SOX5: variants seen among roughly 807,000 people sequenced by gnomAD.
SOX5 encodes the protein SRY-box transcription factor 5.
A neutral mutation model predicts 92.0 loss-of-function variants in SOX5; 9 were observed. The observed-to-expected ratio is 0.10, with a 90% CI of 0.06 to 0.17. The LOEUF is 0.17. SOX5 is among the 10% of genes least tolerant of loss of function. The pLI is 1.00. For synonymous variants in SOX5, 344 were observed against 336.3 expected, an observed-to-expected ratio of 1.02 and a Z score of -0.25; for missense variants, 642 against 944.5, an observed-to-expected ratio of 0.68 and a Z score of 4.20.
At position 24,205,293 on chromosome 12, in the gene SOX5, T is replaced by G. The variant is rs545839020; in HGVS notation, c.-2+8050A>C. 2.6e-3 allele frequency among the ~76,000 whole-genome samples: 403 copies of G among 152,290 alleles called. 3 individuals are homozygous for G. Among genetic ancestry groups the G allele is most frequent in the African/African-American group, 9.2e-3 (384 of 41,556 alleles). ...CTAGCACAATGTTCAACATTGTGCTTTCCCTGATAAAATTTTGTTAATAGC... is the reference window on the plus strand; with the variant it reads ...CTAGCACAATGTTCAACATTGTGCTGTCCCTGATAAAATTTTGTTAATAGC... On this transcript the variant is annotated intron_variant, in intron 4 of 4. Coordinates refer to the SOX5 transcript ENST00000446891.
intron 4 of SOX5, among the ~76,000 whole-genome samples, chr12:24,162,468 A>G (rs1952866891): frequency 6.6e-6 from 1 of 152,164 alleles, no homozygotes; most frequent in Admixed American, 6.6e-5. Context: ...ATTGGCACAG[A>G]TTTTCCTCAA....
intron 4 of SOX5, among the ~76,000 whole-genome samples, chr12:23,982,968 G>A (rs1592057679): frequency 6.6e-6 from 1 of 152,066 alleles, no homozygotes; most frequent in East Asian, 1.9e-4. Context: ...TGTAGTAGGT[G>A]TGTCATTCTC....
intron 7 of SOX5, among the ~76,000 whole-genome samples, chr12:23,664,985 G>A (rs1262926569): frequency 1.3e-5 from 2 of 152,136 alleles, no homozygotes; most frequent in African/African-American, 2.4e-5. Flanking sequence ...CTGATGATGC[G>A]AGTCCAGAGT....
At chr12:24,001,305 G>A (rs1263433043) in intron 4 of SOX5, among the ~76,000 whole-genome samples, 1 of 151,874 alleles carries the variant, frequency 6.6e-6, no homozygotes, top group Non-Finnish European at 1.5e-5. Context: ...TTGGCCAGGC[G>A]AGCCCCAAAC....
Position 24,317,052 on chromosome 12 carries a change from A to C in SOX5, c.-173-39740T>G, listed in dbSNP as rs78988183. 8.5e-3 allele frequency among the ~76,000 whole-genome samples: 1,301 copies of C among 152,344 alleles called. 15 individuals carry two copies. The highest frequency in any genetic ancestry group is 0.029 in the African/African-American group (1,206 of 41,588). On this transcript the variant is annotated intron_variant, in intron 2 of 4. Transcript: ENST00000446891. ...ATGTCCAAGATGAAGCCATTTCCTT[A>C]AATCATACAACCTCAATGTGTCATG...
intron 3 of SOX5, among the ~76,000 whole-genome samples, chr12:24,257,522 G>A (rs983941975): frequency 6.6e-6 from 1 of 152,014 alleles, no homozygotes; most frequent in Non-Finnish European, 1.5e-5. Context: ...ACGCTGGAGT[G>A]CAGTGGCGCA....
Position 23,766,246 on chromosome 12 carries a change from G to A in SOX5, c.482-10522C>T, listed in dbSNP as rs1303553141. 2.6e-5 allele frequency among the ~76,000 whole-genome samples: 4 copies of A among 152,032 alleles called. No homozygotes were observed. In the East Asian group the frequency reaches 7.7e-4, roughly 29 times the overall value. On this transcript the variant is annotated intron_variant, in intron 3 of 14. Transcript: ENST00000451604. ...CAGTTTCTCATCTTGTCTATAATGAGGAAAATAATTGAATCACATAAGCAA... is the reference window on the plus strand; with the variant it reads ...CAGTTTCTCATCTTGTCTATAATGAAGAAAATAATTGAATCACATAAGCAA...
intron 1 of SOX5, among the ~76,000 whole-genome samples, chr12:24,488,004 G>A (rs1338823751): frequency 6.6e-6 from 1 of 152,142 alleles, no homozygotes; most frequent in Non-Finnish European, 1.5e-5. Flanking sequence ...TCACCCAACT[G>A]AAACACAGTA....
intron 3 of SOX5, among the ~76,000 whole-genome samples, chr12:24,216,659 A>T (rs1378336434): frequency 6.6e-6 from 1 of 152,148 alleles, no homozygotes; most frequent in Non-Finnish European, 1.5e-5. Context: ...GCGGTGGCCC[A>T]TGCCTGTAAT....
intron 3 of SOX5, among the ~76,000 whole-genome samples, chr12:24,248,189 G>C (rs754512988): frequency 7.9e-5 from 12 of 152,134 alleles, no homozygotes; most frequent in African/African-American, 1.2e-4. Flanking sequence ...ATACACTGTT[G>C]GGGAATTGAA....
chr12:23,754,515 T>A (rs762921756), intron 4 of SOX5, among the ~76,000 whole-genome samples: 1 of 151,836 alleles, frequency 6.6e-6, no homozygotes, highest in Non-Finnish European at 1.5e-5. Flanking sequence ...AATTTGTTGA[T>A]TAGCACCAAT....
intron 4 of SOX5, among the ~76,000 whole-genome samples, chr12:23,958,459 TC>T (rs1218076447): frequency 6.6e-6 from 1 of 152,038 alleles, no homozygotes; most frequent in Non-Finnish European, 1.5e-5. Context: ...ATTATCAAGT[TC>T]TTATAACTAG....
intron 4 of SOX5, among the ~76,000 whole-genome samples, chr12:24,201,348 G>C (rs1957498460): frequency 6.8e-6 from 1 of 146,650 alleles, no homozygotes; most frequent in Non-Finnish European, 1.5e-5. Context: ...CTTTTCTCAG[G>C]AAAAAAAAAA....
At chr12:24,057,035 T>C (rs1958201547) in intron 4 of SOX5, among the ~76,000 whole-genome samples, 1 of 150,400 alleles carries the variant, frequency 6.6e-6, no homozygotes, top group South Asian at 2.1e-4. Flanking sequence ...ATGGCCTCTC[T>C]GTTCATGTTA....
At chr12:24,247,771 C>T (rs1054941937) in intron 3 of SOX5, among the ~76,000 whole-genome samples, 8 of 150,930 alleles carry the variant, frequency 5.3e-5, no homozygotes, top group African/African-American at 1.9e-4. Flanking sequence ...GTGCCTCAGC[C>T]TCTGGAGTAG....
intron 8 of SOX5, among the ~76,000 whole-genome samples, chr12:23,637,281 T>C (rs1019277344): frequency 6.6e-6 from 1 of 152,180 alleles, no homozygotes; most frequent in African/African-American, 2.4e-5. Context: ...TTATCGAGTA[T>C]AGCTGTGAGT....
chr12:24,274,915 C>A (rs1240342645), intron 3 of SOX5, among the ~76,000 whole-genome samples: 1 of 152,146 alleles, frequency 6.6e-6, no homozygotes, highest in Non-Finnish European at 1.5e-5. Context: ...TTATCCAATG[C>A]CACTGAACTG....
At chr12:24,387,416 A>G (rs1958533227) in intron 1 of SOX5, among the ~76,000 whole-genome samples, 1 of 152,170 alleles carries the variant, frequency 6.6e-6, no homozygotes, top group African/African-American at 2.4e-5. Context: ...TGTGTGACCC[A>G]AGACAATTCT....
At chr12:23,631,690 A>G (rs1397953614) in intron 8 of SOX5, among the ~76,000 whole-genome samples, 4 of 152,142 alleles carry the variant, frequency 2.6e-5, no homozygotes, top group African/African-American at 9.7e-5. Context: ...TATAGGTAAT[A>G]ACAAAATTTC....
Sources: allele counts gnomAD v4.1 joint callset (sites outside exome capture counted in the v4.1 genomes callset), GRCh38; gene constraint gnomAD v4.1.1; transcripts MANE v1.5; gene names NCBI Gene and HGNC (gene_info 2026-07-23, HGNC 2026-07-21).